RIMBP2: variants seen among roughly 807,000 people sequenced by gnomAD.
RIMBP2 encodes the protein RIMS-binding protein 2.
In RIMBP2, 48 loss-of-function variants were observed where a neutral mutation model predicts 118.6. That is an observed-to-expected ratio of 0.40 (90% CI 0.32 to 0.51). The LOEUF is 0.51. Among genes scored for constraint, RIMBP2 ranks in the 20% least tolerant of loss-of-function variants. RIMBP2 has a pLI of 0.41. For missense variants in RIMBP2, 1,551 were observed against 1,768.3 expected, an observed-to-expected ratio of 0.88 and a Z score of 2.20; for synonymous variants, 762 against 742.9, an observed-to-expected ratio of 1.03 and a Z score of -0.42.
intron 4 of RIMBP2, among the ~76,000 whole-genome samples, chr12:130,488,643 G>A (rs2082678324): frequency 6.6e-6 from 1 of 151,702 alleles, no homozygotes; most frequent in Non-Finnish European, 1.5e-5. Flanking sequence ...GCAAGGCTGA[G>A]ATATTAATCA....
At chr12:130,439,152 T>C (rs1164800438) in intron 11 of RIMBP2, among the ~76,000 whole-genome samples, 8 of 151,858 alleles carry the variant, frequency 5.3e-5, no homozygotes, top group South Asian at 2.1e-4. Context: ...TATGTGTGTA[T>C]GTGTGTGTAA....
intron 2 of RIMBP2, among the ~76,000 whole-genome samples, chr12:130,564,583 G>T (rs535822732): frequency 6.6e-6 from 1 of 152,280 alleles, no homozygotes; most frequent in South Asian, 2.1e-4. Flanking sequence ...AAAAAAGGAA[G>T]GGAATTCTAC....
At chr12:130,535,148 G>A (rs1456863893) in intron 2 of RIMBP2, among the ~76,000 whole-genome samples, 1 of 152,066 alleles carries the variant, frequency 6.6e-6, no homozygotes, top group Non-Finnish European at 1.5e-5. Flanking sequence ...CCCCCTTAGT[G>A]AGCAGCTGCT....
At chr12:130,506,502 G>A (rs2050370118) in intron 4 of RIMBP2, 146 bp downstream of exon 4, 1 of 508,102 alleles carries the variant, frequency 2.0e-6, no homozygotes. Flanking sequence ...ACAAAAAGGG[G>A]AAAAACAGCC....
chr12:130,520,592 A>G (rs2139111993), intron 2 of RIMBP2, among the ~76,000 whole-genome samples: 1 of 150,284 alleles, frequency 6.7e-6, no homozygotes, highest in African/African-American at 2.5e-5. Flanking sequence ...GAATCACTTG[A>G]ACCCGGGAGG....
Position 130,581,465 on chromosome 12 carries a change from C to T in RIMBP2, c.-217+46857G>A, listed in dbSNP as rs965442826. ...TGCTCACCCCCACTGCCCACCCAGCCTGTCCCAGTGGAGGTCTCAGAGGCA... is the reference window on the plus strand; with the variant it reads ...TGCTCACCCCCACTGCCCACCCAGCTTGTCCCAGTGGAGGTCTCAGAGGCA... On this transcript the variant is annotated intron_variant, in intron 2 of 22. Coordinates refer to ENST00000690449, the MANE Select transcript of RIMBP2 (RefSeq NM_001393629.1). The surrounding 1 kb of genome is among the most constrained non-coding windows in gnomAD (Gnocchi z 4.4). Among the ~76,000 whole-genome samples, 11 of 152,246 alleles carry T rather than the reference C, an allele frequency of 7.2e-5. No individual in the cohort carries two copies. Among genetic ancestry groups the T allele is most frequent in the African/African-American group, 2.7e-4 (11 of 41,468 alleles).
At chr12:130,537,408 C>A (rs2054173826) in intron 2 of RIMBP2, among the ~76,000 whole-genome samples, 1 of 152,194 alleles carries the variant, frequency 6.6e-6, no homozygotes, top group Non-Finnish European at 1.5e-5. Context: ...AAGATAGCTC[C>A]ATCACCCTAC....
At chr12:130,486,786 G>T (rs1428828862) in intron 4 of RIMBP2, among the ~76,000 whole-genome samples, 1 of 151,426 alleles carries the variant, frequency 6.6e-6, no homozygotes, top group Non-Finnish European at 1.5e-5. Flanking sequence ...TCTCTCCTGT[G>T]TCCAACGCTG....
intron 2 of RIMBP2, among the ~76,000 whole-genome samples, chr12:130,531,810 G>A (rs551659245): frequency 1.3e-5 from 2 of 152,318 alleles, no homozygotes; most frequent in South Asian, 4.2e-4. Context: ...TTCCATGAGA[G>A]TCAAAACCCA....
At position 130,450,378 on chromosome 12, in the gene RIMBP2, G is replaced by A; in HGVS notation, c.505-102C>T. The stretch of plus-strand genomic sequence containing the variant: ...CCCCTCGCAGCTTCCTGGGCCCCAG[G>A]AGGGACGGCCTGAGACTGTGGCACT... On this transcript the variant is annotated intron_variant, in intron 8 of 22. Coordinates refer to ENST00000690449, the MANE Select transcript of RIMBP2 (RefSeq NM_001393629.1). The surrounding 1 kb of genome is among the most constrained non-coding windows in gnomAD (Gnocchi z 4.8). 2.4e-6 allele frequency: 2 copies of A among 843,018 alleles called. No individual in the cohort carries two copies. The highest frequency in any genetic ancestry group is 2.2e-4 in the Middle Eastern group (1 of 4,568). The allele number at this position is 843,018 out of a possible 1,614,324, so 52.2% of individuals were successfully genotyped here. A position where few individuals can be genotyped will look rare whatever the true frequency, so the allele number is the denominator to read the frequency against.
chr12:130,580,180 A>G (rs1306113467), intron 2 of RIMBP2, among the ~76,000 whole-genome samples: 1 of 146,978 alleles, frequency 6.8e-6, no homozygotes, highest in Non-Finnish European at 1.5e-5. Context: ...CCTGGGTGAC[A>G]GAGCAAGACT....
At chr12:130,614,575 G>C (rs1267557129) in intron 2 of RIMBP2, among the ~76,000 whole-genome samples, 11 of 152,128 alleles carry the variant, frequency 7.2e-5, no homozygotes, top group Non-Finnish European at 1.5e-4. Flanking sequence ...TTCTGACCCA[G>C]AGATTCCCAG....
At chr12:130,526,997 G>A (rs1489838823) in intron 2 of RIMBP2, among the ~76,000 whole-genome samples, 5 of 152,232 alleles carry the variant, frequency 3.3e-5, no homozygotes, top group South Asian at 2.1e-4. Context: ...GGTGGAAGGC[G>A]AGTGGTTGCT....
Position 130,451,193 on chromosome 12 carries a change from AC to A in RIMBP2, c.504+1del, listed in dbSNP as rs1262398806. The A allele has an allele frequency of 6.2e-7, 1 of 1,613,174 alleles. No individual in the cohort carries two copies. The highest frequency in any genetic ancestry group is 8.5e-7 in the Non-Finnish European group (1 of 1,179,534). Reference sequence around the variant, plus strand: ...CGGCAGCCCCTGCGGGACGGGACTCACGTCTGACTCAGATCTGCATCTTGCG... The same window carrying A: ...CGGCAGCCCCTGCGGGACGGGACTCAGTCTGACTCAGATCTGCATCTTGCG... On this transcript the variant is annotated splice_donor_variant, in intron 8 of 22. Transcript: ENST00000690449. LOFTEE classifies it high-confidence loss of function.
intron 1 of RIMBP2, among the ~76,000 whole-genome samples, chr12:130,637,966 G>GA (rs5801928): frequency 0.71 from 107,700 of 151,966 alleles, 38,708 homozygotes; most frequent in Middle Eastern, 0.79. Flanking sequence ...AGCCTTCTTG[G>GA]AATGCAAACT....
intron 21 of RIMBP2, among the ~76,000 whole-genome samples, chr12:130,405,692 G>C (rs2075104574): frequency 6.6e-6 from 1 of 151,996 alleles, no homozygotes; most frequent in South Asian, 2.1e-4. Context: ...CGGGGTGGGG[G>C]GTTCCAAGCT....
In RIMBP2 at chr12:130,396,364, T is replaced by TAAAG. The variant is rs957987068; in HGVS notation, c.*993_*996dup. The TAAAG allele has an allele frequency of 2.0e-5, 3 of 152,646 alleles. No individual in the cohort carries two copies. The highest frequency in any genetic ancestry group is 6.5e-5 in the Admixed American group (1 of 15,286). 9.5% of individuals were successfully genotyped at this position (152,646 alleles called of 1,614,324 possible). The stretch of plus-strand genomic sequence containing the variant: ...AGAAAGGCAGTCTGAAAAGTATGTA[T>TAAAG]AAAGAGTAAAAACAATTTACAAGTG... On this transcript the variant is annotated 3_prime_UTR_variant, in exon 23 of 23. Transcript: ENST00000690449.
intron 4 of RIMBP2, among the ~76,000 whole-genome samples, chr12:130,480,327 T>C (rs996707967): frequency 2.0e-5 from 3 of 152,074 alleles, no homozygotes; most frequent in African/African-American, 7.2e-5. Context: ...TGGCCACGCA[T>C]GCCTCCAGGA....
At chr12:130,672,561 A>T (rs1322971471) in intron 1 of RIMBP2, among the ~76,000 whole-genome samples, 2 of 152,202 alleles carry the variant, frequency 1.3e-5, no homozygotes, top group Non-Finnish European at 2.9e-5. Flanking sequence ...CTATGTGCAG[A>T]TGAGAACTGG....
Sources: allele counts gnomAD v4.1 joint callset (sites outside exome capture counted in the v4.1 genomes callset), GRCh38; gene constraint gnomAD v4.1.1; non-coding constraint Gnocchi (gnomAD v3.1); transcripts MANE v1.5; gene names NCBI Gene and HGNC (gene_info 2026-07-23, HGNC 2026-07-21).